The following PLEKHA5 variants were observed in gnomAD, a reference collection of about 807,000 sequenced individuals.
PLEKHA5 encodes the protein pleckstrin homology domain containing A5.
A neutral mutation model predicts 181.9 loss-of-function variants in PLEKHA5; 55 were observed. The observed-to-expected ratio is 0.30, with a 90% confidence interval of 0.24 to 0.38. The LOEUF is 0.38. Ranked by LOEUF, PLEKHA5 falls within the 10% of genes least tolerant of loss-of-function variation. PLEKHA5 has a pLI of 1.00. For missense variants in PLEKHA5, 1,432 were observed against 1,549.5 expected, an observed-to-expected ratio of 0.92 and a Z score of 1.27; for synonymous variants, 535 against 529.4, an observed-to-expected ratio of 1.01 and a Z score of -0.15.
intron 3 of PLEKHA5, among the ~76,000 whole-genome samples, chr12:19,240,192 G>A (rs2062219758): frequency 6.6e-6 from 1 of 152,292 alleles, no homozygotes. Flanking sequence ...CTGTTACTCT[G>A]TCAGTTTGAC....
Position 19,265,286 on chromosome 12 carries a change from G to A in PLEKHA5, c.611-464G>A, listed in dbSNP as rs575338789. ...AAATAGCTAAAACATATAGTTTGCCGGAGGTATTGAGAGTAGGCAATGGTA... is the reference window on the plus strand; with the variant it reads ...AAATAGCTAAAACATATAGTTTGCCAGAGGTATTGAGAGTAGGCAATGGTA... On this transcript the variant is annotated intron_variant, in intron 7 of 31. Transcript: ENST00000429027. Among the ~76,000 whole-genome samples, 23 of 152,268 alleles carry A rather than the reference G, an allele frequency of 1.5e-4. No individual in the cohort carries two copies. The South Asian group carries it at 3.1e-3, about 21-fold the overall frequency.
chr12:19,354,470 T>TAA (rs77223013), intron 26 of PLEKHA5, among the ~76,000 whole-genome samples: 1 of 132,872 alleles, frequency 7.5e-6, no homozygotes, highest in Admixed American at 7.7e-5. Context: ...TAGTTATTCT[T>TAA]AAAAAAAAAA....
At chr12:19,157,949 A>G (rs900434318) in intron 3 of PLEKHA5, among the ~76,000 whole-genome samples, 2 of 152,216 alleles carry the variant, frequency 1.3e-5, no homozygotes, top group Non-Finnish European at 2.9e-5. Flanking sequence ...TGTGTAACAT[A>G]TATGGTATCT....
intron 30 of PLEKHA5, 79 bp downstream of exon 30, chr12:19,366,188 A>G: frequency 8.1e-7 from 1 of 1,227,726 alleles, no homozygotes; most frequent in Non-Finnish European, 1.2e-6. Context: ...GGGAGATTCT[A>G]AGAAGGGAAT....
At chr12:19,291,486 C>A (rs190842748) in intron 14 of PLEKHA5, among the ~76,000 whole-genome samples, 158 bp from the exon 15 acceptor site, 4 of 152,132 alleles carry the variant, frequency 2.6e-5, no homozygotes, top group African/African-American at 9.7e-5. Context: ...AATATGTCAG[C>A]GGTACCATTT....
rs1170346228 is a variant in PLEKHA5, at chr12:19,369,731, C to T, written c.3793C>T (p.Pro1265Ser). 2 of 1,612,512 alleles carry T rather than the reference C, an allele frequency of 1.2e-6. No homozygotes were observed. The highest frequency in any genetic ancestry group is 2.7e-5 in the African/African-American group (2 of 74,904). ...CCCATCTCCTGAGTCCTCGGCATCG[C>T]CAGTTCCATCCACTCAGCCGCAGCT... is the stretch of plus-strand genomic sequence containing the variant. The part of the protein sequence containing the change: ...LSPSPESSAS[P>S]VPSTQPQLTE... Residue 1265 changes from proline (P) to serine (S), a missense_variant, in exon 31 of 32, where the codon CCA becomes TCA. Around this residue, in one of 2 missense-constraint regions of PLEKHA5, gnomAD observed 1,143 missense variants for 1,168.4 expected, o/e 0.98. Coordinates refer to ENST00000429027, the MANE Select transcript of PLEKHA5 (RefSeq NM_001256470.2).
intron 20 of PLEKHA5, among the ~76,000 whole-genome samples, chr12:19,335,186 C>T (rs376294833): frequency 1.1e-3 from 159 of 150,722 alleles, no homozygotes; most frequent in African/African-American, 3.6e-3. Context: ...CAAGCGCCAC[C>T]GCACCCAGAG....
At chr12:19,292,057 G>C (rs2078584689) in intron 15 of PLEKHA5, among the ~76,000 whole-genome samples, 1 of 152,204 alleles carries the variant, frequency 6.6e-6, no homozygotes, top group East Asian at 1.9e-4. Context: ...CTTGTTGGAA[G>C]GCAAGAAGGA....
chr12:19,155,933 G>T (rs143739073), intron 3 of PLEKHA5, among the ~76,000 whole-genome samples: 1 of 152,264 alleles, frequency 6.6e-6, no homozygotes, highest in Non-Finnish European at 1.5e-5. Flanking sequence ...TAAAGTATAC[G>T]TTGAGTAGCC....
intron 3 of PLEKHA5, among the ~76,000 whole-genome samples, chr12:19,246,438 G>A (rs1311728028): frequency 6.6e-6 from 1 of 151,578 alleles, no homozygotes; most frequent in African/African-American, 2.4e-5. Flanking sequence ...GCCTGGCTAT[G>A]ATGGTGAAAC....
At chr12:19,148,108 G>A (rs2039419946) in intron 3 of PLEKHA5, among the ~76,000 whole-genome samples, 1 of 151,930 alleles carries the variant, frequency 6.6e-6, no homozygotes, top group African/African-American at 2.4e-5. Flanking sequence ...CCGGGCTGGA[G>A]TGCAGTGGCA....
At chr12:19,348,986 A>G (rs531316403) in intron 25 of PLEKHA5, among the ~76,000 whole-genome samples, 28 of 152,046 alleles carry the variant, frequency 1.8e-4, no homozygotes, top group African/African-American at 6.5e-4. Flanking sequence ...AAGACATCAC[A>G]TCAGATTAGG....
intron 15 of PLEKHA5, among the ~76,000 whole-genome samples, chr12:19,296,416 T>G (rs1352922049): frequency 2.0e-5 from 3 of 151,740 alleles, no homozygotes; most frequent in Non-Finnish European, 4.4e-5. Context: ...GGCCTGGTGG[T>G]GTGTGCCTGT....
intron 10 of PLEKHA5, among the ~76,000 whole-genome samples, chr12:19,273,482 G>A (rs2073655737): frequency 6.6e-6 from 1 of 151,928 alleles, no homozygotes; most frequent in Admixed American, 6.6e-5. Context: ...AACATTGGCA[G>A]CATTACCACA....
chr12:19,165,285 A>T (rs1050127899), intron 3 of PLEKHA5, among the ~76,000 whole-genome samples: 2 of 152,288 alleles, frequency 1.3e-5, no homozygotes, highest in African/African-American at 2.4e-5. Context: ...TGTAAGAAAC[A>T]CACACTGTCT....
intron 20 of PLEKHA5, among the ~76,000 whole-genome samples, chr12:19,324,733 C>T (rs1565618400): frequency 6.6e-6 from 1 of 152,074 alleles, no homozygotes; most frequent in Non-Finnish European, 1.5e-5. Context: ...AAGATGAGAA[C>T]ATAGGAGACA....
chr12:19,274,392 C>T (rs558056766), intron 10 of PLEKHA5, 124 bp from the exon 11 acceptor site: 2 of 640,346 alleles, frequency 3.1e-6, no homozygotes, highest in African/African-American at 3.7e-5. Context: ...GACTTGTCCA[C>T]TGTGACCCTT....
At chr12:19,216,789 T>A (rs189577619) in intron 3 of PLEKHA5, among the ~76,000 whole-genome samples, 38 of 152,254 alleles carry the variant, frequency 2.5e-4, no homozygotes, top group African/African-American at 7.9e-4. Flanking sequence ...CATAGGTTTT[T>A]CCTATCATGT....
At chr12:19,323,016 A>ATTTTTTT (rs538132540) in intron 20 of PLEKHA5, among the ~76,000 whole-genome samples, 8 of 92,756 alleles carry the variant, frequency 8.6e-5, no homozygotes, top group African/African-American at 2.6e-4. Flanking sequence ...ACCTGGCTAG[A>ATTTTTTT]TTTTTTTTTT....
Sources: allele counts gnomAD v4.1 joint callset (sites outside exome capture counted in the v4.1 genomes callset), GRCh38; gene constraint gnomAD v4.1.1; regional missense constraint gnomAD v4.1.1; transcripts MANE v1.5; gene names NCBI Gene and HGNC (gene_info 2026-07-23, HGNC 2026-07-21).